The following EPG5 variants were observed in gnomAD, a reference collection of about 807,000 sequenced individuals.
EPG5 encodes ectopic P granules protein 5 homolog.
A neutral mutation model predicts 302.7 loss-of-function variants in EPG5; 159 were observed. The ratio of observed to expected loss-of-function variants is 0.53; its 90% confidence interval spans 0.46 to 0.60. The LOEUF (loss-of-function observed/expected upper bound fraction) is 0.60. Among genes scored for constraint, EPG5 ranks in the 20% least tolerant of loss-of-function variants. EPG5 has a pLI of 0.00. For missense variants in EPG5, 2,896 were observed against 3,092.4 expected (o/e 0.94, Z 1.51); for synonymous variants, 1,158 against 1,136.8 (o/e 1.02, Z -0.37).
At chr18:45,959,428 C>A (rs553537144) in intron 1 of EPG5, among the ~76,000 whole-genome samples, 19 of 152,070 alleles carry the variant, frequency 1.2e-4, no homozygotes, top group African/African-American at 4.6e-4. Context: ...AGGTGGATTA[C>A]GAGGTCAGGA....
Position 45,855,701 on chromosome 18 carries a change from G to A in EPG5, c.7443-14C>T, listed in dbSNP as rs150647938. The A allele has an allele frequency of 8.6e-4, 1,352 of 1,578,906 alleles. 11 individuals carry two copies. The African/African-American group carries it at 0.016, about 19-fold the overall frequency. On this transcript the variant is annotated splice_polypyrimidine_tract_variant and intron_variant, in intron 42 of 43. Coordinates refer to ENST00000282041, the MANE Select transcript of EPG5 (RefSeq NM_020964.3). ...ACCACTCGGAACCTTAGGCATTAGG[G>A]AGAGGTCAGAAGAAGTAAATGGCTA...
intron 39 of EPG5, among the ~76,000 whole-genome samples, chr18:45,864,972 T>A (rs887116664): frequency 6.6e-6 from 1 of 152,216 alleles, no homozygotes; most frequent in Non-Finnish European, 1.5e-5. Flanking sequence ...GGATTATGCA[T>A]CGGATTTCCT....
chr18:45,930,612 A>G, intron 12 of EPG5, 64 bp downstream of exon 12: 1 of 1,400,604 alleles, frequency 7.1e-7, no homozygotes. Flanking sequence ...CCCCCAAAAA[A>G]TCAACAGATG....
chr18:45,873,049 T>C (rs1472921889), intron 35 of EPG5, among the ~76,000 whole-genome samples: 1 of 152,210 alleles, frequency 6.6e-6, no homozygotes, highest in Non-Finnish European at 1.5e-5. Context: ...ATAACCTCAC[T>C]AAAAAGCTGC....
At chr18:45,844,989 G>C (rs2048352966), downstream of EPG5, among the ~76,000 whole-genome samples, 2 of 152,164 alleles carry the variant, frequency 1.3e-5, no homozygotes, top group African/African-American at 4.8e-5. Context: ...TCATTAACAT[G>C]AATGCAGTAT....
Position 45,855,641 on chromosome 18 carries a change from C to T in EPG5, c.7489G>A (p.Val2497Ile). The T allele has an allele frequency of 6.2e-7, 1 of 1,614,140 alleles. No individual in the cohort carries two copies. Among genetic ancestry groups the T allele is most frequent in the Non-Finnish European group, 8.5e-7 (1 of 1,180,030 alleles). Residue 2497 changes from valine to isoleucine, a missense_variant, in exon 43 of 44, where the codon GTT becomes ATT. By Grantham distance (29) the Val-to-Ile change is conservative. This residue lies in a region of EPG5 where 620 missense variants were observed against 704.2 expected (regional missense o/e 0.88). Coordinates refer to ENST00000282041, the MANE Select transcript of EPG5 (RefSeq NM_020964.3). ...RSMAAFLSVQ[V>I]PMEDQIRLRP... ...AAACGGATCTGATCTTCCATAGGAA[C>T]CTGAACTGAAAGGAAGGCAGCCATG...
intron 22 of EPG5, among the ~76,000 whole-genome samples, chr18:45,911,276 A>T (rs962261294): frequency 1.4e-5 from 2 of 144,684 alleles, no homozygotes; most frequent in African/African-American, 5.2e-5. Flanking sequence ...AGCATGCGCC[A>T]CTGCGCTGGG....
At chr18:45,963,235 T>C (rs2051185129) in intron 1 of EPG5, among the ~76,000 whole-genome samples, 1 of 152,094 alleles carries the variant, frequency 6.6e-6, no homozygotes. Context: ...ACCAGGAAGA[T>C]GAGAAAAAGC....
At chr18:45,861,924 T>C (rs1422581242) in intron 39 of EPG5, among the ~76,000 whole-genome samples, 2 of 152,230 alleles carry the variant, frequency 1.3e-5, no homozygotes, top group Non-Finnish European at 2.9e-5. Context: ...TCTTCCTATA[T>C]GTATCCTATT....
intron 30 of EPG5, among the ~76,000 whole-genome samples, chr18:45,883,012 C>CAAAAAAAAA (rs35030980): frequency 2.3e-5 from 2 of 87,432 alleles, no homozygotes; most frequent in African/African-American, 7.5e-5. Flanking sequence ...CGTCTCACAA[C>CAAAAAAAAA]AAAAAAAAAA....
the EPG5 span, among the ~76,000 whole-genome samples, chr18:45,831,130 G>A: frequency 6.6e-6 from 1 of 152,132 alleles, no homozygotes. Flanking sequence ...CACTCTGAGG[G>A]GCATGCCACC....
At chr18:45,856,283 G>A (rs1223870864) in intron 42 of EPG5, among the ~76,000 whole-genome samples, 3 of 152,156 alleles carry the variant, frequency 2.0e-5, no homozygotes, top group Non-Finnish European at 4.4e-5. Context: ...AGTGAAAAAA[G>A]TCCAACATAA....
chr18:45,854,378 G>A (rs1280485768), intron 43 of EPG5, among the ~76,000 whole-genome samples: 2 of 152,236 alleles, frequency 1.3e-5, no homozygotes, highest in East Asian at 3.8e-4. Context: ...TGCCCCAGCA[G>A]AGGAGCTAAG....
In EPG5 at chr18:45,849,922, T is replaced by C. The variant is rs1165820807; in HGVS notation, c.*2545A>G. ...CTGGCAGGACCTCCCTCCCTCTATG[T>C]CTGGTGTGTTCCAGCATTCTGCCCT... On this transcript the variant is annotated 3_prime_UTR_variant, in exon 44 of 44. Coordinates refer to ENST00000282041, the MANE Select transcript of EPG5 (RefSeq NM_020964.3). The C allele has an allele frequency of 6.6e-6, 1 of 152,236 alleles. No homozygotes were observed. Among genetic ancestry groups the C allele is most frequent in the East Asian group, 1.9e-4 (1 of 5,200 alleles). 9.4% of individuals were successfully genotyped at this position (152,236 alleles called of 1,614,324 possible). A position where few individuals can be genotyped will look rare whatever the true frequency, so the allele number is the denominator to read the frequency against.
intron 16 of EPG5, 88 bp from the exon 17 acceptor site, chr18:45,917,907 T>G (rs1422660670): frequency 1.4e-6 from 2 of 1,424,578 alleles, no homozygotes; most frequent in South Asian, 2.6e-5. Context: ...CTTCAATACC[T>G]TGGGTTATCT....
At chr18:45,961,949 A>G (rs1322870200) in intron 1 of EPG5, among the ~76,000 whole-genome samples, 5 of 149,938 alleles carry the variant, frequency 3.3e-5, no homozygotes, top group African/African-American at 1.2e-4. Flanking sequence ...TCTTTTTTCC[A>G]TAGCGCTTAT....
At chr18:45,881,682 C>A (rs145425365) in intron 31 of EPG5, among the ~76,000 whole-genome samples, 330 of 152,286 alleles carry the variant, frequency 2.2e-3, no homozygotes, top group African/African-American at 7.5e-3. Flanking sequence ...ATTTATTTCT[C>A]CTCTAAACTC....
In EPG5 at chr18:45,952,547, C is replaced by T. The variant is rs1395939976; in HGVS notation, c.1105G>A (p.Asp369Asn). Residue 369 changes from aspartate (D) to asparagine (N), a missense_variant, in exon 3 of 44, where the codon GAT (aspartate) becomes AAT (asparagine). This residue lies in a region of EPG5 where 1,390 missense variants were observed against 1,430.0 expected (regional missense o/e 0.97). Coordinates refer to ENST00000282041, the MANE Select transcript of EPG5 (RefSeq NM_020964.3). ...NALVELKKLF[D>N]AKSEHLHQTL... ...TGGTGGAGGTGCTCAGATTTGGCAT[C>T]GAATAGCTTCTTTAGCTCCACCAGT... The T allele has an allele frequency of 1.3e-5, 21 of 1,613,966 alleles. No homozygotes were observed. The highest frequency in any genetic ancestry group is 4.0e-5 in the African/African-American group (3 of 74,904).
At chr18:45,826,751 C>G in the EPG5 span, among the ~76,000 whole-genome samples, 5 of 152,200 alleles carry the variant, frequency 3.3e-5, no homozygotes, top group Admixed American at 3.3e-4. Flanking sequence ...AACTCCCACA[C>G]CTTAGACCCC....
Sources: gnomAD v4.1 joint callset for allele counts (sites outside exome capture counted in the v4.1 genomes callset) on GRCh38, gnomAD v4.1.1 for gene constraint, gnomAD v4.1.1 regional missense constraint, MANE v1.5 for transcripts, NCBI Gene and HGNC (gene_info 2026-07-23, HGNC 2026-07-21) for gene names.